The following OTUD7B variants were observed in gnomAD, a reference collection of about 807,000 sequenced individuals.
The protein encoded by OTUD7B is OTU deubiquitinase 7B.
OTUD7B carries 34 observed loss-of-function variants against 82.2 expected under a neutral mutation model. The ratio of observed to expected loss-of-function variants is 0.41; its 90% CI spans 0.31 to 0.55. The LOEUF is 0.55. OTUD7B is among the 20% of genes least tolerant of loss of function. The pLI, the probability that OTUD7B is intolerant of heterozygous loss-of-function variation, is 0.20. For missense variants in OTUD7B, 944 were observed against 1,062.1 expected, an observed-to-expected ratio of 0.89 and a Z score of 1.55; for synonymous variants, 398 against 402.7, an observed-to-expected ratio of 0.99 and a Z score of 0.14.
intron 1 of OTUD7B, among the ~76,000 whole-genome samples, chr1:149,982,579 C>T (rs1553779965): frequency 6.6e-6 from 1 of 151,972 alleles, no homozygotes; most frequent in Non-Finnish European, 1.5e-5. Flanking sequence ...CCCACCTCAG[C>T]CTCCTGAGTA....
chr1:150,062,870 A>C, the OTUD7B span, among the ~76,000 whole-genome samples: 5 of 150,012 alleles, frequency 3.3e-5, no homozygotes. Flanking sequence ...ATGCACCACC[A>C]CGCCCGGCTA....
chr1:150,064,361 T>G, the OTUD7B span, among the ~76,000 whole-genome samples: 1 of 151,880 alleles, frequency 6.6e-6, no homozygotes, highest in Non-Finnish European at 1.5e-5. Flanking sequence ...TTTTCTCTCT[T>G]CTCTTCTCTT....
At chr1:149,989,565 C>T (rs1219368426) in intron 1 of OTUD7B, among the ~76,000 whole-genome samples, 3 of 148,014 alleles carry the variant, frequency 2.0e-5, no homozygotes, top group Non-Finnish European at 1.5e-5. Flanking sequence ...CTACAAAAAA[C>T]AAAACAAACA....
At chr1:149,958,133 T>G (rs1418437901) in intron 7 of OTUD7B, among the ~76,000 whole-genome samples, 7 of 152,218 alleles carry the variant, frequency 4.6e-5, no homozygotes, top group African/African-American at 1.7e-4. Flanking sequence ...AGCTGTAGAC[T>G]GGAGCTGTTC....
intron 1 of OTUD7B, among the ~76,000 whole-genome samples, chr1:150,005,079 A>G (rs1158532563): frequency 1.3e-5 from 2 of 152,166 alleles, no homozygotes; most frequent in African/African-American, 4.8e-5. Context: ...TGACATAACT[A>G]CCTGAGTACT....
intron 1 of OTUD7B, among the ~76,000 whole-genome samples, chr1:149,978,511 C>G (rs781797991): frequency 6.6e-6 from 1 of 152,142 alleles, no homozygotes. Context: ...TCTCAAAAAA[C>G]TAACTTAAAT....
Position 149,944,904 on chromosome 1 carries a change from G to T in OTUD7B, c.1485C>A (p.Asp495Glu), listed in dbSNP as rs782712397. Residue 495 changes from aspartate (D) to glutamate (E), a missense_variant, in exon 12 of 12, where the codon GAC becomes GAA. By Grantham distance (45) the Asp-to-Glu change is conservative (BLOSUM62 2). This residue lies in a region of OTUD7B where 530 missense variants were observed against 625.6 expected (regional missense o/e 0.85). Coordinates refer to ENST00000581312, the MANE Select transcript of OTUD7B (RefSeq NM_020205.4). ...KEKSKRDREK[D>E]KKRADSVANK... is the part of the protein sequence containing the mutation. ...TAGCCACAGAATCTGCTCTCTTCTT[G>T]TCCTTCTCCCGATCTCGCTTTGACT... 1.1e-5 allele frequency: 18 copies of T among 1,613,992 alleles called. No individual in the cohort carries two copies. In the South Asian group the frequency reaches 2.0e-4, roughly 18 times the overall value.
At chr1:149,960,925 T>TC (rs1649110974) in intron 6 of OTUD7B, 1 of 127,686 alleles carries the variant, frequency 7.8e-6, no homozygotes, top group African/African-American at 3.3e-5. Context: ...GATACCTTCT[T>TC]TTTTTTTTTT....
intron 11 of OTUD7B, 107 bp from the exon 12 acceptor site, chr1:149,945,172 C>T: frequency 7.0e-7 from 1 of 1,432,686 alleles, no homozygotes; most frequent in Non-Finnish European, 9.2e-7. Flanking sequence ...TCCCTGCAGC[C>T]ATGGCTATAG....
the OTUD7B span, among the ~76,000 whole-genome samples, chr1:150,042,117 CCCT>C: frequency 8.5e-5 from 7 of 82,714 alleles, no homozygotes; most frequent in African/African-American, 3.3e-4. Flanking sequence ...CTCCCTCCCT[CCCT>C]CCCTCCCTCC....
At chr1:149,975,162 C>T (rs1343169753) in intron 2 of OTUD7B, among the ~76,000 whole-genome samples, 2 of 152,180 alleles carry the variant, frequency 1.3e-5, no homozygotes, top group African/African-American at 4.8e-5. Flanking sequence ...TTCTACATCC[C>T]TTTGTCTTGC....
intron 1 of OTUD7B, among the ~76,000 whole-genome samples, chr1:149,988,153 G>T (rs1176139821): frequency 1.3e-5 from 2 of 151,626 alleles, no homozygotes; most frequent in African/African-American, 2.4e-5. Context: ...TCTAATGCAG[G>T]ATATACTTTG....
At chr1:150,001,701 C>T (rs181621324) in intron 1 of OTUD7B, among the ~76,000 whole-genome samples, 1 of 152,242 alleles carries the variant, frequency 6.6e-6, no homozygotes, top group East Asian at 1.9e-4. Flanking sequence ...CAAAATGTAC[C>T]CTTGCCCACT....
chr1:149,953,197 T>C (rs1374301380), intron 7 of OTUD7B, among the ~76,000 whole-genome samples: 1 of 152,242 alleles, frequency 6.6e-6, no homozygotes, highest in Non-Finnish European at 1.5e-5. Flanking sequence ...CATTTAAGTC[T>C]TTAATCCATC....
chr1:150,032,260 C>T, the OTUD7B span, among the ~76,000 whole-genome samples: 1 of 149,790 alleles, frequency 6.7e-6, no homozygotes. Flanking sequence ...TGCAGTGAGC[C>T]GAAATCCCGC....
intron 10 of OTUD7B, among the ~76,000 whole-genome samples, chr1:149,947,820 A>T (rs1647872282): frequency 6.6e-6 from 1 of 152,182 alleles, no homozygotes; most frequent in Non-Finnish European, 1.5e-5. Flanking sequence ...GAGCTTTTGC[A>T]TTCATACACT....
the OTUD7B span, among the ~76,000 whole-genome samples, chr1:150,064,822 A>G: frequency 6.6e-6 from 1 of 152,232 alleles, no homozygotes; most frequent in Non-Finnish European, 1.5e-5. Flanking sequence ...TATAGTAAAT[A>G]GAGAATTAAT....
At position 149,941,824 on chromosome 1, in the gene OTUD7B, C is replaced by A. The variant is rs1647278562; in HGVS notation, c.*2033G>T. On this transcript the variant is annotated 3_prime_UTR_variant, in exon 12 of 12. Coordinates refer to ENST00000581312, the MANE Select transcript of OTUD7B (RefSeq NM_020205.4). ...TCTTGATTAATGAGTTTTATAGTAA[C>A]CCTTAAATTTTGCAACTTAGGGGAG... 6.6e-6 allele frequency: 1 copy of A among 151,992 alleles called. No individual in the cohort carries two copies. Among genetic ancestry groups the A allele is most frequent in the Admixed American group, 6.6e-5 (1 of 15,260 alleles). 9.4% of individuals were successfully genotyped at this position (151,992 alleles called of 1,614,324 possible). A position where few individuals can be genotyped will look rare whatever the true frequency, so the allele number is the denominator to read the frequency against.
the OTUD7B span, among the ~76,000 whole-genome samples, chr1:150,066,433 G>GAA: frequency 2.0e-5 from 3 of 151,928 alleles, no homozygotes; most frequent in Non-Finnish European, 1.5e-5. The surrounding 1 kb of genome is among the most constrained non-coding windows in gnomAD (Gnocchi z 4.6). Context: ...AAAGCTGAAA[G>GAA]AAAAAAAACA....
Sources: gnomAD v4.1 joint callset for allele counts (sites outside exome capture counted in the v4.1 genomes callset) on GRCh38, gnomAD v4.1.1 for gene constraint, gnomAD v4.1.1 regional missense constraint, Gnocchi (gnomAD v3.1) non-coding constraint, MANE v1.5 for transcripts, NCBI Gene and HGNC (gene_info 2026-07-23, HGNC 2026-07-21) for gene names.